Variants in ZFYVE9 observed in about 807,000 individuals in gnomAD.
ZFYVE9 encodes zinc finger FYVE domain-containing protein 9.
Under a neutral mutation model 126.7 loss-of-function variants are expected in ZFYVE9, and 43 were observed. The ratio of observed to expected loss-of-function variants is 0.34; its 90% confidence interval spans 0.27 to 0.44. The LOEUF is 0.44. Ranked by LOEUF, ZFYVE9 falls within the 20% of genes least tolerant of loss-of-function variation. ZFYVE9 has a pLI of 1.00. For missense variants in ZFYVE9, 1,476 were observed against 1,697.0 expected (o/e 0.87, Z 2.29); for synonymous variants, 521 against 597.4 (o/e 0.87, Z 1.87).
At chr1:52,256,811 G>A (rs1645524964) in intron 4 of ZFYVE9, among the ~76,000 whole-genome samples, 1 of 149,990 alleles carries the variant, frequency 6.7e-6, no homozygotes, top group Admixed American at 6.6e-5. Context: ...ATAAGTGGAG[G>A]GATAAAGTAC....
chr1:52,254,618 A>T (rs1645485896), intron 4 of ZFYVE9, among the ~76,000 whole-genome samples: 1 of 152,160 alleles, frequency 6.6e-6, no homozygotes, highest in African/African-American at 2.4e-5. Flanking sequence ...AAACAAAAAG[A>T]TGTGTATTTT....
At position 52,285,423 on chromosome 1, in the gene ZFYVE9, A is replaced by C. The variant is rs141455943; in HGVS notation, c.3025+3607A>C. ...AGCAGAGGTGAGGGGCAGGCAAGCA[A>C]GTAAAGCTTCATCTGTATTTACAGC... On this transcript the variant is annotated intron_variant, in intron 10 of 18. Coordinates refer to ENST00000287727, the MANE Select transcript of ZFYVE9 (RefSeq NM_004799.4). Among the ~76,000 whole-genome samples, 226 of 152,280 alleles carry C rather than the reference A, an allele frequency of 1.5e-3. 2 individuals are homozygous for C. The highest frequency in any genetic ancestry group is 4.9e-3 in the African/African-American group (205 of 41,570).
At chr1:52,334,658 C>G (rs753346811) in intron 14 of ZFYVE9, 30 bp from the exon 15 acceptor site, 3 of 1,607,580 alleles carry the variant, frequency 1.9e-6, no homozygotes, top group Admixed American at 3.3e-5. Context: ...TAGGGTCTGT[C>G]TTACTAAACT....
chr1:52,282,385 ATT>A lies in ZFYVE9; in HGVS notation c.3025+571_3025+572del, dbSNP rs1231785033. Among the ~76,000 whole-genome samples the A allele has an allele frequency of 3.9e-5, 6 of 152,184 alleles. No individual in the cohort carries two copies. In the East Asian group the frequency reaches 1.2e-3, roughly 29 times the overall value. On this transcript the variant is annotated intron_variant, in intron 10 of 18. Coordinates refer to ENST00000287727, the MANE Select transcript of ZFYVE9 (RefSeq NM_004799.4). ...TAGTTATTTATTATGACATTGTGTT[ATT>A]TGACATTACAAAGTCAGCCTCCCTT... is the stretch of plus-strand genomic sequence containing the variant.
intron 14 of ZFYVE9, among the ~76,000 whole-genome samples, chr1:52,333,289 T>TA (rs71579928): frequency 0.035 from 4,675 of 132,550 alleles, 124 homozygotes; most frequent in African/African-American, 0.082. Flanking sequence ...GTATAATAAT[T>TA]AAAAAAAAAA....
At chr1:52,150,956 T>C (rs1459238350) in intron 1 of ZFYVE9, among the ~76,000 whole-genome samples, 1 of 151,778 alleles carries the variant, frequency 6.6e-6, no homozygotes, top group Non-Finnish European at 1.5e-5. Flanking sequence ...CAGTACATCA[T>C]GTAGGCCTTT....
chr1:52,165,458 G>C (rs543720190), intron 1 of ZFYVE9, among the ~76,000 whole-genome samples: 1 of 152,284 alleles, frequency 6.6e-6, no homozygotes, highest in East Asian at 1.9e-4. Context: ...GGAGTTTTGT[G>C]TGTATACATG....
rs755646011 is a variant in ZFYVE9 at position 52,237,621 on chromosome 1, A to G, written c.204A>G (p.Gln68=). ...CAGTTTCTAATGAGTCACAACCACA[A>G]CTGAAAGTCTTCTCCCTGGCTCATT... ...ESAVSNESQP[Q]LKVFSLAHSA... The change falls in exon 4 of 19, where the codon CAA becomes CAG. Residue 68 remains glutamine, a synonymous_variant. Transcript: ENST00000287727. 6.2e-7 allele frequency: 1 copy of G among 1,614,084 alleles called. No individual in the cohort carries two copies. The highest frequency in any genetic ancestry group is 1.1e-5 in the South Asian group (1 of 91,076).
intron 1 of ZFYVE9, among the ~76,000 whole-genome samples, chr1:52,147,228 A>G (rs1466427702): frequency 6.6e-6 from 1 of 152,226 alleles, no homozygotes; most frequent in Admixed American, 6.5e-5. Context: ...TTTACAAATT[A>G]ATTAATACTT....
intron 5 of ZFYVE9, among the ~76,000 whole-genome samples, chr1:52,265,594 ATTT>A (rs1429459240): frequency 1.1e-4 from 17 of 152,306 alleles, no homozygotes; most frequent in Admixed American, 8.5e-4. Context: ...ATCTTAATGT[ATTT>A]GTGATCATTT....
intron 10 of ZFYVE9, among the ~76,000 whole-genome samples, chr1:52,291,492 T>C (rs1645920045): frequency 6.6e-6 from 1 of 152,228 alleles, no homozygotes; most frequent in South Asian, 2.1e-4. Flanking sequence ...CTTTTGCAAT[T>C]CTAAACTGAG....
At chr1:52,275,454 G>A (rs1645735836) in intron 8 of ZFYVE9, among the ~76,000 whole-genome samples, 1 of 152,148 alleles carries the variant, frequency 6.6e-6, no homozygotes, top group Non-Finnish European at 1.5e-5. Flanking sequence ...AGTTCTTTGA[G>A]AAATCTCCAA....
intron 13 of ZFYVE9, among the ~76,000 whole-genome samples, chr1:52,324,223 G>A (rs1159635332): frequency 2.0e-5 from 3 of 150,536 alleles, no homozygotes; most frequent in Non-Finnish European, 4.4e-5. Context: ...CACTCCAGCC[G>A]GGGCAACAGA....
chr1:52,302,463 G>A (rs1382514764), intron 12 of ZFYVE9, among the ~76,000 whole-genome samples: 1 of 152,018 alleles, frequency 6.6e-6, no homozygotes, highest in African/African-American at 2.4e-5. Flanking sequence ...AATATGTCTG[G>A]AAACAGGCTG....
chr1:52,281,028 A>G (rs971836674), intron 9 of ZFYVE9, among the ~76,000 whole-genome samples: 66 of 152,224 alleles, frequency 4.3e-4, no homozygotes, highest in African/African-American at 1.6e-3. Context: ...GTTTTATTTT[A>G]GTATTAATAG....
rs79004614 is a variant in ZFYVE9, at chr1:52,149,275, T to C, written c.-143+6872T>C. The stretch of plus-strand genomic sequence containing the variant: ...TCCTAACTGGTTTGAAAAAAAACTT[T>C]AGAAACATTAGCAAGTAATTATTGC... On this transcript the variant is annotated intron_variant, in intron 1 of 18. Coordinates refer to ENST00000287727, the MANE Select transcript of ZFYVE9 (RefSeq NM_004799.4). Among the ~76,000 whole-genome samples, 155 of 152,182 alleles carry C rather than the reference T, an allele frequency of 1.0e-3. 1 individual carries two copies. In the East Asian group the frequency reaches 0.028, roughly 27 times the overall value.
At chr1:52,261,518 GT>G (rs1645580390) in intron 4 of ZFYVE9, among the ~76,000 whole-genome samples, 1 of 152,162 alleles carries the variant, frequency 6.6e-6, no homozygotes, top group Non-Finnish European at 1.5e-5. Flanking sequence ...GGGTAGCTTG[GT>G]GCCCAGTACA....
rs533165854 is a variant in ZFYVE9 at position 52,337,757 on chromosome 1, T to C, written c.3671-15T>C. On this transcript the variant is annotated splice_polypyrimidine_tract_variant and intron_variant, in intron 15 of 18. Coordinates refer to ENST00000287727, the MANE Select transcript of ZFYVE9 (RefSeq NM_004799.4). ...GTTTCATTTGCCTCTCCTTTGGCTT[T>C]GTACTGATTCTTAGATGGTGTTATG... The C allele has an allele frequency of 6.8e-6, 11 of 1,613,200 alleles. No homozygotes were observed. The East Asian group carries it at 2.5e-4, about 36-fold the overall frequency.
intron 4 of ZFYVE9, chr1:52,252,108 T>C: frequency 6.1e-6 from 1 of 164,388 alleles, no homozygotes; most frequent in Non-Finnish European, 1.4e-5. Context: ...CATTTATTTT[T>C]GGTTATGATA....
Sources: allele counts gnomAD v4.1 joint callset (sites outside exome capture counted in the v4.1 genomes callset), GRCh38; gene constraint gnomAD v4.1.1; transcripts MANE v1.5; gene names NCBI Gene and HGNC (gene_info 2026-07-23, HGNC 2026-07-21).